Variants in INPP4B observed in about 807,000 individuals in gnomAD.
INPP4B encodes the protein inositol polyphosphate 4-phosphatase type II.
INPP4B carries 55 observed loss-of-function variants against 122.5 expected under a neutral mutation model. The ratio of observed to expected loss-of-function variants is 0.45; its 90% CI spans 0.36 to 0.56. INPP4B has a LOEUF of 0.56. Ranked by LOEUF, INPP4B falls within the 20% of genes least tolerant of loss-of-function variation. The pLI is 0.00. For missense variants in INPP4B, 1,000 were observed against 1,097.7 expected (o/e 0.91, Z 1.26); for synonymous variants, 403 against 388.7 (o/e 1.04, Z -0.43).
intron 17 of INPP4B, among the ~76,000 whole-genome samples, chr4:142,151,345 G>T (rs1370369632): frequency 6.6e-6 from 1 of 151,966 alleles, no homozygotes; most frequent in African/African-American, 2.4e-5. Context: ...AAAATAGCCA[G>T]ACATGTAAAC....
At chr4:142,360,561 CT>C (rs1785053169) in intron 7 of INPP4B, among the ~76,000 whole-genome samples, 1 of 151,920 alleles carries the variant, frequency 6.6e-6, no homozygotes, top group Admixed American at 6.6e-5. Flanking sequence ...TACTAATACA[CT>C]GAAAATAATT....
intron 1 of INPP4B, among the ~76,000 whole-genome samples, chr4:142,761,102 A>C (rs1403866748): frequency 6.6e-6 from 1 of 152,096 alleles, no homozygotes; most frequent in Non-Finnish European, 1.5e-5. Context: ...AGCATCCATT[A>C]TCTTCCCAAG....
chr4:142,565,042 C>T (rs1007138367), intron 2 of INPP4B, among the ~76,000 whole-genome samples: 2 of 152,066 alleles, frequency 1.3e-5, no homozygotes, highest in African/African-American at 2.4e-5. Flanking sequence ...GTTTCCTTAG[C>T]GTTCTTTAAT....
intron 9 of INPP4B, among the ~76,000 whole-genome samples, chr4:142,277,698 C>T (rs1749251697): frequency 6.6e-6 from 1 of 151,214 alleles, no homozygotes; most frequent in African/African-American, 2.4e-5. Context: ...CACACACACA[C>T]ACACACACAC....
In INPP4B at chr4:142,054,288, A is replaced by T. The variant is rs567995286; in HGVS notation, c.2643-25374T>A. On this transcript the variant is annotated intron_variant, in intron 25 of 25. Coordinates refer to ENST00000262992, the MANE Select transcript of INPP4B (RefSeq NM_001101669.3). ...TTTTTAACCTGTTTCTGAAGAAGTG[A>T]CTTTAGCATCTGGAAACACCACTAC... Among the ~76,000 whole-genome samples the T allele has an allele frequency of 7.5e-4, 114 of 151,502 alleles. 1 individual carries two copies. Among genetic ancestry groups the T allele is most frequent in the African/African-American group, 2.6e-3 (108 of 41,380 alleles).
intron 14 of INPP4B, among the ~76,000 whole-genome samples, chr4:142,203,494 T>C (rs974389492): frequency 6.6e-6 from 1 of 152,100 alleles, no homozygotes; most frequent in African/African-American, 2.4e-5. Flanking sequence ...TAAAGTATAT[T>C]AGTATAAAAA....
intron 7 of INPP4B, among the ~76,000 whole-genome samples, chr4:142,372,978 T>C (rs1790465766): frequency 6.6e-6 from 1 of 152,014 alleles, no homozygotes; most frequent in Admixed American, 6.6e-5. Context: ...CATACATACA[T>C]ACACACACAG....
chr4:142,054,721 A>C (rs1269902328), intron 25 of INPP4B, among the ~76,000 whole-genome samples: 3 of 152,094 alleles, frequency 2.0e-5, no homozygotes, highest in Admixed American at 6.6e-5. Flanking sequence ...GGATAGTCAC[A>C]AAAGATTCCT....
intron 7 of INPP4B, among the ~76,000 whole-genome samples, chr4:142,387,214 G>A (rs1469435116): frequency 6.6e-6 from 1 of 152,074 alleles, no homozygotes; most frequent in Non-Finnish European, 1.5e-5. Flanking sequence ...TTAAAAATTC[G>A]TGGGGATTTT....
chr4:142,691,295 A>G (rs1272325356), intron 2 of INPP4B, among the ~76,000 whole-genome samples: 1 of 152,162 alleles, frequency 6.6e-6, no homozygotes, highest in Non-Finnish European at 1.5e-5. Context: ...AAAATGTCAA[A>G]AACAGTGGGT....
chr4:142,227,507 T>G (rs1415713499), intron 12 of INPP4B, among the ~76,000 whole-genome samples: 1 of 152,148 alleles, frequency 6.6e-6, no homozygotes, highest in African/African-American at 2.4e-5. Context: ...ATGAAAGTTA[T>G]TACAGCTTTT....
intron 2 of INPP4B, among the ~76,000 whole-genome samples, chr4:142,690,695 A>G (rs1356432738): frequency 6.6e-6 from 1 of 152,190 alleles, no homozygotes; most frequent in Admixed American, 6.6e-5. Context: ...CTCCTGCAAG[A>G]GAACCTCCCC....
At chr4:142,132,766 C>T (rs1438815766) in intron 18 of INPP4B, among the ~76,000 whole-genome samples, 2 of 152,198 alleles carry the variant, frequency 1.3e-5, no homozygotes, top group African/African-American at 4.8e-5. Flanking sequence ...AGAAAACAAA[C>T]ATGCTATTAT....
intron 7 of INPP4B, among the ~76,000 whole-genome samples, chr4:142,359,330 G>C (rs1784659926): frequency 6.6e-6 from 1 of 151,796 alleles, no homozygotes; most frequent in African/African-American, 2.4e-5. Context: ...ACCATGCCTA[G>C]GTTTCCTTCT....
chr4:142,212,498 G>A lies in INPP4B; in HGVS notation c.837-3472C>T, dbSNP rs1403868871. 3.9e-5 allele frequency among the ~76,000 whole-genome samples: 6 copies of A among 152,132 alleles called. No individual in the cohort carries two copies. The East Asian group carries it at 7.7e-4, about 20-fold the overall frequency. The stretch of plus-strand genomic sequence containing the variant: ...TGCAATTTCTCCTTCCCATCAGGGC[G>A]TGGAGTACTTCTAAGTTTCAGACGT... On this transcript the variant is annotated intron_variant, in intron 12 of 25. Transcript: ENST00000262992.
chr4:142,128,336 C>T (rs1396560056), intron 18 of INPP4B, among the ~76,000 whole-genome samples: 2 of 125,110 alleles, frequency 1.6e-5, no homozygotes, highest in African/African-American at 5.5e-5. Flanking sequence ...GGATTTCGTA[C>T]TTTTATACAC....
chr4:142,110,301 T>C (rs528477653), intron 22 of INPP4B, among the ~76,000 whole-genome samples: 1 of 152,216 alleles, frequency 6.6e-6, no homozygotes, highest in South Asian at 2.1e-4. Flanking sequence ...GGAAACCAAA[T>C]TGGCTGAAAC....
intron 9 of INPP4B, among the ~76,000 whole-genome samples, chr4:142,303,902 C>A (rs1254582879): frequency 6.6e-6 from 1 of 152,084 alleles, no homozygotes; most frequent in South Asian, 2.1e-4. Flanking sequence ...CTTGTCCTCT[C>A]TCTAAGGTAC....
At chr4:142,841,475 T>C (rs1004316175) in intron 1 of INPP4B, among the ~76,000 whole-genome samples, 1 of 151,930 alleles carries the variant, frequency 6.6e-6, no homozygotes, top group Non-Finnish European at 1.5e-5. Context: ...ATTTAATTCA[T>C]TGTATTCTAA....
Sources: gnomAD v4.1 joint callset for allele counts (sites outside exome capture counted in the v4.1 genomes callset) on GRCh38, gnomAD v4.1.1 for gene constraint, MANE v1.5 for transcripts, NCBI Gene and HGNC (gene_info 2026-07-23, HGNC 2026-07-21) for gene names.